BCKDHB: variants seen among roughly 807,000 people sequenced by gnomAD.
BCKDHB encodes 2-oxoisovalerate dehydrogenase subunit beta, mitochondrial.
In BCKDHB, 41 loss-of-function variants were observed where a neutral mutation model predicts 48.5. The ratio of observed to expected loss-of-function variants is 0.85; its 90% CI spans 0.66 to 1.10. The LOEUF is 1.10. BCKDHB is among the 50% of genes least tolerant of loss of function. BCKDHB has a pLI of 0.00. For synonymous variants in BCKDHB, 201 were observed against 174.8 expected, an observed-to-expected ratio of 1.15 and a Z score of -1.18; for missense variants, 496 against 494.2, an observed-to-expected ratio of 1.00 and a Z score of -0.03.
the BCKDHB span, among the ~76,000 whole-genome samples, chr6:80,463,868 T>G: frequency 6.6e-6 from 1 of 152,194 alleles, no homozygotes; most frequent in African/African-American, 2.4e-5. Context: ...CACAAAGGCA[T>G]GCAGTTAGTA....
chr6:80,159,754 A>G (rs997824824), intron 3 of BCKDHB, among the ~76,000 whole-genome samples: 1 of 152,166 alleles, frequency 6.6e-6, no homozygotes, highest in Non-Finnish European at 1.5e-5. Context: ...TTGTGTCTAT[A>G]ATGACTTTTA....
the BCKDHB span, among the ~76,000 whole-genome samples, chr6:80,423,029 C>T: frequency 6.6e-6 from 1 of 152,122 alleles, no homozygotes; most frequent in Non-Finnish European, 1.5e-5. Flanking sequence ...TCTGTGTCCC[C>T]ACCCAAAATT....
At chr6:80,378,517 G>A in the BCKDHB span, among the ~76,000 whole-genome samples, 2 of 152,036 alleles carry the variant, frequency 1.3e-5, no homozygotes, top group East Asian at 1.9e-4. Flanking sequence ...TAGAGAAAAT[G>A]TGATAAGTGT....
At chr6:80,176,057 G>A (rs919461303) in intron 6 of BCKDHB, among the ~76,000 whole-genome samples, 20 of 152,150 alleles carry the variant, frequency 1.3e-4, no homozygotes, top group Non-Finnish European at 2.6e-4. Flanking sequence ...CCGGGTAGGC[G>A]GCTGTTTGAA....
chr6:80,182,836 C>T (rs1192368384), intron 6 of BCKDHB, among the ~76,000 whole-genome samples: 1 of 152,074 alleles, frequency 6.6e-6, no homozygotes, highest in Non-Finnish European at 1.5e-5. Context: ...CAAATAAGAG[C>T]ATGTTACAAA....
At chr6:80,304,748 G>A (rs1314704723) in intron 9 of BCKDHB, among the ~76,000 whole-genome samples, 1 of 152,094 alleles carries the variant, frequency 6.6e-6, no homozygotes, top group Non-Finnish European at 1.5e-5. Context: ...TCCAGGAATG[G>A]CAGATTGACC....
chr6:80,157,456 A>C (rs1037152937), intron 3 of BCKDHB, among the ~76,000 whole-genome samples: 4 of 142,328 alleles, frequency 2.8e-5, no homozygotes, highest in African/African-American at 1.0e-4. Flanking sequence ...TTATTGGGTG[A>C]GAATTTTTTT....
intron 9 of BCKDHB, among the ~76,000 whole-genome samples, chr6:80,281,283 A>G (rs1487673153): frequency 6.6e-6 from 1 of 152,162 alleles, no homozygotes; most frequent in Non-Finnish European, 1.5e-5. Flanking sequence ...CCACACCAAC[A>G]TTTAAGAGAA....
At chr6:80,307,752 A>G (rs1767950838) in intron 9 of BCKDHB, 1 of 982,396 alleles carries the variant, frequency 1.0e-6, no homozygotes, top group African/African-American at 1.7e-5. Context: ...GATTTATTTT[A>G]GTAGAAGATG....
Position 80,190,000 on chromosome 6 carries a change from T to G in BCKDHB, c.743-10934T>G, listed in dbSNP as rs143012952. 1.9e-3 allele frequency among the ~76,000 whole-genome samples: 282 copies of G among 152,272 alleles called. 6 individuals carry two copies. In the East Asian group the frequency reaches 0.052, roughly 28 times the overall value. On this transcript the variant is annotated intron_variant, in intron 6 of 9. Coordinates refer to ENST00000320393, the MANE Select transcript of BCKDHB (RefSeq NM_183050.4). ...TTGGAGTTCTTCATTTTTTGTAGTATTAATGCATGATTTAATATGAAGGAA... is the reference window on the plus strand; with the variant it reads ...TTGGAGTTCTTCATTTTTTGTAGTAGTAATGCATGATTTAATATGAAGGAA...
At chr6:80,233,986 T>C (rs1409924092) in intron 8 of BCKDHB, among the ~76,000 whole-genome samples, 1 of 151,908 alleles carries the variant, frequency 6.6e-6, no homozygotes, top group African/African-American at 2.4e-5. Context: ...ATGAAACTGT[T>C]CTACCTCAGA....
At chr6:80,132,330 C>T (rs567217335) in intron 3 of BCKDHB, among the ~76,000 whole-genome samples, 2 of 152,232 alleles carry the variant, frequency 1.3e-5, no homozygotes, top group East Asian at 3.9e-4. Context: ...AGAAAGTTGT[C>T]AAAGGCAGCA....
chr6:80,423,340 A>G, the BCKDHB span, among the ~76,000 whole-genome samples: 3 of 152,210 alleles, frequency 2.0e-5, no homozygotes, highest in Non-Finnish European at 4.4e-5. Context: ...CTCAGGTAGT[A>G]TTTTTATAGC....
intron 9 of BCKDHB, among the ~76,000 whole-genome samples, chr6:80,294,078 A>G (rs767427965): frequency 7.2e-5 from 11 of 152,056 alleles, no homozygotes; most frequent in East Asian, 1.9e-4. Flanking sequence ...ACCTCTGCCT[A>G]TTACCCAATT....
chr6:80,438,993 C>G, the BCKDHB span, among the ~76,000 whole-genome samples: 1 of 152,186 alleles, frequency 6.6e-6, no homozygotes, highest in East Asian at 1.9e-4. Context: ...TATATGCAGT[C>G]ATTCAGAGAT....
In BCKDHB at chr6:80,273,144, A is replaced by C. The variant is rs372013960; in HGVS notation, c.961A>C (p.Lys321Gln). The change falls in exon 9 of 10, where the codon AAA (lysine) becomes CAA (glutamine). Residue 321 changes from lysine (K) to glutamine (Q), a missense_variant. Transcript: ENST00000320393. ...DVDTICKSVI[K>Q]TGRLLISHEA... ...TTCTTTTCTCTTTCAGTCTGTGATC[A>C]AAACAGGGCGACTGCTAATCAGTCA... The C allele has an allele frequency of 2.5e-6, 4 of 1,613,212 alleles. No individual in the cohort carries two copies. The African/African-American group carries it at 5.3e-5, about 22-fold the overall frequency.
At chr6:80,319,867 A>G (rs776899791) in intron 9 of BCKDHB, among the ~76,000 whole-genome samples, 4 of 152,196 alleles carry the variant, frequency 2.6e-5, no homozygotes, top group African/African-American at 4.8e-5. Flanking sequence ...TAGACAAAAC[A>G]TAAGATCAGT....
At chr6:80,299,721 G>A (rs975143463) in intron 9 of BCKDHB, among the ~76,000 whole-genome samples, 3 of 152,052 alleles carry the variant, frequency 2.0e-5, no homozygotes, top group Non-Finnish European at 2.9e-5. Context: ...TGCTAAACAC[G>A]GAATCAAAAG....
At chr6:80,235,051 G>T (rs1776092077) in intron 8 of BCKDHB, among the ~76,000 whole-genome samples, 1 of 151,982 alleles carries the variant, frequency 6.6e-6, no homozygotes, top group Non-Finnish European at 1.5e-5. Context: ...TTGGTTAATG[G>T]GTATCAAAAT....
Sources: gnomAD v4.1 joint callset for allele counts (sites outside exome capture counted in the v4.1 genomes callset) on GRCh38, gnomAD v4.1.1 for gene constraint, MANE v1.5 for transcripts, NCBI Gene and HGNC (gene_info 2026-07-23, HGNC 2026-07-21) for gene names.